The following IQCK variants were observed in gnomAD, a reference collection of about 807,000 sequenced individuals.
IQCK encodes the protein IQ motif containing K, also known as IQ domain-containing protein K.
In IQCK, 29 loss-of-function variants were observed where a neutral mutation model predicts 28.1. The ratio of observed to expected loss-of-function variants is 1.03; its 90% confidence interval spans 0.77 to 1.41. The LOEUF (loss-of-function observed/expected upper bound fraction) is 1.41, where lower values mean the gene tolerates loss of function less well. Ranked by LOEUF, IQCK falls within the 40% of genes most tolerant of loss-of-function variation. The pLI, the probability that IQCK is intolerant of heterozygous loss-of-function variation, is 0.00. For synonymous variants in IQCK, 113 were observed against 115.1 expected (o/e 0.98, Z 0.12); for missense variants, 359 against 314.7 (o/e 1.14, Z -1.07).
intron 4 of IQCK, 128 bp from the exon 5 acceptor site, chr16:19,763,720 G>A: frequency 5.6e-6 from 4 of 716,276 alleles, no homozygotes; most frequent in Non-Finnish European, 9.7e-6. Context: ...TGGGATTACA[G>A]GCGTGAGCCA....
At chr16:19,719,329 A>T (rs998417602) in intron 1 of IQCK, among the ~76,000 whole-genome samples, 5 of 152,072 alleles carry the variant, frequency 3.3e-5, no homozygotes, top group African/African-American at 1.2e-4. Context: ...CTAGACCATA[A>T]GCTCCTCAAG....
intron 9 of IQCK, among the ~76,000 whole-genome samples, chr16:19,837,786 G>A (rs2056315908): frequency 6.6e-6 from 1 of 152,218 alleles, no homozygotes; most frequent in African/African-American, 2.4e-5. Flanking sequence ...GCCAGAAAAA[G>A]TGATTACATG....
At chr16:19,746,799 T>C (rs1002669922) in intron 4 of IQCK, among the ~76,000 whole-genome samples, 1 of 152,234 alleles carries the variant, frequency 6.6e-6, no homozygotes, top group Non-Finnish European at 1.5e-5. Flanking sequence ...TCCTCTGGTC[T>C]GAAGCTTTGT....
chr16:19,767,321 T>C (rs2055253314), intron 6 of IQCK, among the ~76,000 whole-genome samples: 1 of 152,208 alleles, frequency 6.6e-6, no homozygotes, highest in Non-Finnish European at 1.5e-5. Flanking sequence ...TTCTTGCCTT[T>C]GTGTACCAGA....
intron 9 of IQCK, among the ~76,000 whole-genome samples, chr16:19,837,313 A>T (rs2141106233): frequency 6.6e-6 from 1 of 152,138 alleles, no homozygotes; most frequent in East Asian, 1.9e-4. Flanking sequence ...AGGCAGGAGG[A>T]TCTCTTGGTC....
chr16:19,753,384 C>A (rs1454905485), intron 4 of IQCK, among the ~76,000 whole-genome samples: 1 of 152,096 alleles, frequency 6.6e-6, no homozygotes, highest in Non-Finnish European at 1.5e-5. Context: ...TATGATCATG[C>A]CATTACACTC....
chr16:19,752,875 T>A (rs1442832877), intron 4 of IQCK, among the ~76,000 whole-genome samples: 1 of 152,142 alleles, frequency 6.6e-6, no homozygotes, highest in Non-Finnish European at 1.5e-5. Context: ...TTTTAAAAAA[T>A]GTAGACAAGA....
rs1315135255 is a variant in IQCK, at chr16:19,825,899, G to A, written c.691-1127G>A. Among the ~76,000 whole-genome samples, 2 of 152,216 alleles carry A rather than the reference G, an allele frequency of 1.3e-5. No individual in the cohort carries two copies. Among genetic ancestry groups the A allele is most frequent in the African/African-American group, 4.8e-5 (2 of 41,456 alleles). ...ACCTAGAACTGTGCTGTTCTATATA[G>A]TAGCCACCAGCTACATGTGTCTGTT... is the stretch of plus-strand genomic sequence containing the variant. On this transcript the variant is annotated intron_variant, in intron 7 of 7. Transcript: ENST00000564186. This position sits in a 1 kb window ranked among gnomAD's most constrained non-coding sequence, Gnocchi z 4.2.
At chr16:19,756,053 GC>G (rs1239187707) in intron 4 of IQCK, among the ~76,000 whole-genome samples, 1 of 152,170 alleles carries the variant, frequency 6.6e-6, no homozygotes, top group East Asian at 1.9e-4. Context: ...GCCTGGTGTT[GC>G]ATACCTGTAG....
chr16:19,741,743 T>TA (rs566519561), intron 4 of IQCK, among the ~76,000 whole-genome samples: 12 of 152,308 alleles, frequency 7.9e-5, no homozygotes, highest in Admixed American at 5.2e-4. Context: ...TCCCACCACT[T>TA]AGAGAGGCCG....
chr16:19,828,231 C>CTTTTTTT (rs749049124), downstream of IQCK, among the ~76,000 whole-genome samples: 15 of 107,248 alleles, frequency 1.4e-4, no homozygotes, highest in Non-Finnish European at 2.0e-4. Flanking sequence ...TCTTTCTTTT[C>CTTTTTTT]TTTTTTTTTT....
intron 4 of IQCK, chr16:19,761,610 T>C: frequency 3.6e-6 from 1 of 279,454 alleles, no homozygotes; most frequent in Non-Finnish European, 7.2e-6. Context: ...AACAATTCTC[T>C]AAAAGAAGTT....
chr16:19,855,196 T>G (rs971583803), intron 9 of IQCK, among the ~76,000 whole-genome samples: 1 of 152,032 alleles, frequency 6.6e-6, no homozygotes, highest in African/African-American at 2.4e-5. Context: ...ATCTGGAAAT[T>G]GATTTCCTTT....
In IQCK at chr16:19,758,738, C is replaced by T. The variant is rs151234088; in HGVS notation, c.475-5110C>T. 5.0e-3 allele frequency among the ~76,000 whole-genome samples: 760 copies of T among 152,246 alleles called. 5 individuals carry two copies. The highest frequency in any genetic ancestry group is 0.017 in the African/African-American group (699 of 41,554). On this transcript the variant is annotated intron_variant, in intron 4 of 7. Transcript: ENST00000564186. The stretch of plus-strand genomic sequence containing the variant: ...ATGGTCTGATACATACATTTTATTA[C>T]GCCAACCAGCAGTATTTCCATTTTT...
intron 1 of IQCK, among the ~76,000 whole-genome samples, chr16:19,721,319 C>G (rs1468304538): frequency 1.3e-5 from 2 of 152,186 alleles, no homozygotes; most frequent in African/African-American, 2.4e-5. Flanking sequence ...AGGTCAATAT[C>G]TAACTTACAC....
intron 9 of IQCK, among the ~76,000 whole-genome samples, chr16:19,851,979 G>A (rs988719261): frequency 1.3e-5 from 2 of 152,138 alleles, no homozygotes; most frequent in African/African-American, 4.8e-5. Flanking sequence ...TTAATTTTTA[G>A]CAAAGTAGTG....
chr16:19,764,744 G>A lies in IQCK; in HGVS notation c.605+632G>A, dbSNP rs150300618. On this transcript the variant is annotated intron_variant, in intron 6 of 7. Transcript: ENST00000564186. Reference sequence around the variant, plus strand: ...CTTGCTCTGTCACCCAGGCTGGAGTGCAGTGACGCGATCTTGGCTTACTGC... The same window carrying A: ...CTTGCTCTGTCACCCAGGCTGGAGTACAGTGACGCGATCTTGGCTTACTGC... 7.0e-3 allele frequency among the ~76,000 whole-genome samples: 1,025 copies of A among 146,886 alleles called. 14 individuals are homozygous for A. The highest frequency in any genetic ancestry group is 0.025 in the African/African-American group (986 of 39,832).
intron 7 of IQCK, among the ~76,000 whole-genome samples, chr16:19,813,331 A>T (rs751660251): frequency 2.6e-5 from 4 of 152,254 alleles, no homozygotes; most frequent in Non-Finnish European, 4.4e-5. Context: ...AAGTTGAAGA[A>T]ACATGAATCT....
chr16:19,782,430 G>A (rs768712571), intron 6 of IQCK, among the ~76,000 whole-genome samples: 20 of 151,726 alleles, frequency 1.3e-4, no homozygotes, highest in Admixed American at 2.6e-4. Context: ...GCACAACCTG[G>A]GCAACATAGT....
Sources: gnomAD v4.1 joint callset for allele counts (sites outside exome capture counted in the v4.1 genomes callset) on GRCh38, gnomAD v4.1.1 for gene constraint, Gnocchi (gnomAD v3.1) non-coding constraint, MANE v1.5 for transcripts, NCBI Gene and HGNC (gene_info 2026-07-23, HGNC 2026-07-21) for gene names.